CACNA2D1: variants seen among roughly 807,000 people sequenced by gnomAD.
CACNA2D1 encodes voltage-dependent calcium channel subunit alpha-2/delta-1.
Under a neutral mutation model 171.5 loss-of-function variants are expected in CACNA2D1, and 53 were observed. The observed-to-expected ratio is 0.31, with a 90% CI of 0.25 to 0.39. The LOEUF (loss-of-function observed/expected upper bound fraction) is 0.39. CACNA2D1 is among the 10% of genes least tolerant of loss of function. The pLI, the probability that CACNA2D1 is intolerant of heterozygous loss-of-function variation, is 1.00. For synonymous variants in CACNA2D1, 442 were observed against 443.1 expected (o/e 1.00, Z 0.03); for missense variants, 903 against 1,299.8 (o/e 0.69, Z 4.69).
At chr7:82,017,527 A>G (rs1011996176) in intron 12 of CACNA2D1, among the ~76,000 whole-genome samples, 5 of 152,046 alleles carry the variant, frequency 3.3e-5, no homozygotes, top group Admixed American at 6.6e-5. Context: ...ATACTATGCT[A>G]CTGCCACCAT....
rs1792140828 is a variant in CACNA2D1 at position 81,947,621 on chromosome 7, CAT to C, written c.*2769_*2770del. ...TTTAGTGACTAACTACACTAAGCCA[CAT>C]GAGTATAACAAAAATTAGTTAAAGC... On this transcript the variant is annotated 3_prime_UTR_variant, in exon 39 of 39. Coordinates refer to ENST00000356860, the MANE Select transcript of CACNA2D1 (RefSeq NM_000722.4). The C allele has an allele frequency of 6.6e-6, 1 of 151,944 alleles. No individual in the cohort carries two copies. The highest frequency in any genetic ancestry group is 1.5e-5 in the Non-Finnish European group (1 of 67,886). The allele number at this position is 151,944 out of a possible 1,614,324, so 9.4% of individuals were successfully genotyped here.
intron 21 of CACNA2D1, among the ~76,000 whole-genome samples, chr7:81,990,063 C>T (rs1797379093): frequency 1.3e-5 from 2 of 151,960 alleles, no homozygotes; most frequent in African/African-American, 4.8e-5. Context: ...ATTTTGGAGT[C>T]AGTGACTAAG....
Position 81,983,990 on chromosome 7 carries a change from C to T in CACNA2D1, c.1873+645G>A, listed in dbSNP as rs568260844. On this transcript the variant is annotated intron_variant, in intron 22 of 38. Coordinates refer to ENST00000356860, the MANE Select transcript of CACNA2D1 (RefSeq NM_000722.4). ...GTCATTTTACTTTACAAAATCTAGT[C>T]ACCCAAAACAAAATAAACAATAACT... is the stretch of plus-strand genomic sequence containing the variant. Among the ~76,000 whole-genome samples, 4 of 152,214 alleles carry T rather than the reference C, an allele frequency of 2.6e-5. No homozygotes were observed. In the South Asian group the frequency reaches 8.3e-4, roughly 32 times the overall value.
chr7:82,235,892 TAAG>T (rs1347545358), intron 3 of CACNA2D1, among the ~76,000 whole-genome samples: 1 of 152,106 alleles, frequency 6.6e-6, no homozygotes, highest in Non-Finnish European at 1.5e-5. Flanking sequence ...GTCTCTGTAC[TAAG>T]GAAATGGATA....
In CACNA2D1 at chr7:81,967,620, G is replaced by T; in HGVS notation, c.2439C>A (p.Phe813Leu). The T allele has an allele frequency of 6.6e-7, 1 of 1,515,162 alleles. No individual in the cohort carries two copies. The highest frequency in any genetic ancestry group is 9.1e-7 in the Non-Finnish European group (1 of 1,096,522). The allele number at this position is 1,515,162 out of a possible 1,614,324, so 93.9% of individuals were successfully genotyped here. Residue 813 changes from phenylalanine to leucine, a missense_variant, in exon 30 of 39, where the codon TTC becomes TTA. Coordinates refer to ENST00000356860, the MANE Select transcript of CACNA2D1 (RefSeq NM_000722.4). ...KIDVNSWIEN[F>L]TKTSIRDPCA... ...CCGGATCTCTGATTGAGGTTTTGGT[G>T]AAATTCTCTATCCAGGAATTTACAT...
chr7:81,967,577 T>C lies in CACNA2D1; in HGVS notation c.2463+19A>G, dbSNP rs1405416387. 7.4e-7 allele frequency: 1 copy of C among 1,355,976 alleles called. No homozygotes were observed. The highest frequency in any genetic ancestry group is 2.4e-5 in the East Asian group (1 of 42,158). The allele number at this position is 1,355,976 out of a possible 1,614,324, so 84.0% of individuals were successfully genotyped here. A position where few individuals can be genotyped will look rare whatever the true frequency, so the allele number is the denominator to read the frequency against. ...GAAAACATTAAACATAGCATAAGAA[T>C]TTTTTAAAAATATCTTACCGGATCT... On this transcript the variant is annotated intron_variant, in intron 30 of 38. Transcript: ENST00000356860.
Position 82,432,037 on chromosome 7 carries a change from T to TAAAAAAAAAAAAAAAAAAAAAAAAAAA in CACNA2D1, c.95+11327_95+11328insTTTTTTTTTTTTTTTTTTTTTTTTTTT, listed in dbSNP as rs34180150. Among the ~76,000 whole-genome samples the TAAAAAAAAAAAAAAAAAAAAAAAAAAA allele has an allele frequency of 4.9e-5, 4 of 82,216 alleles. 1 individual carries two copies. The highest frequency in any genetic ancestry group is 3.1e-4 in the African/African-American group (4 of 13,090). The allele number at this position is 82,216 out of a possible 152,430, so 53.9% of individuals were successfully genotyped here. On this transcript the variant is annotated intron_variant, in intron 1 of 38. Transcript: ENST00000356860. ...TGGGCAACAGAACAAGACTCTGTCT[T>TAAAAAAAAAAAAAAAAAAAAAAAAAAA]AAAAAAAAAAAAAAAAAAAAATTGG... is the stretch of plus-strand genomic sequence containing the variant.
At chr7:82,104,861 T>C (rs1466811536) in intron 6 of CACNA2D1, among the ~76,000 whole-genome samples, 7 of 152,118 alleles carry the variant, frequency 4.6e-5, no homozygotes, top group African/African-American at 1.4e-4. Context: ...AAAATGATTA[T>C]ATATAACACT....
At position 82,378,956 on chromosome 7, in the gene CACNA2D1, T is replaced by C. The variant is rs866580876; in HGVS notation, c.96-29307A>G. Among the ~76,000 whole-genome samples the C allele has an allele frequency of 5.0e-3, 758 of 150,982 alleles. 12 individuals carry two copies. Among genetic ancestry groups the C allele is most frequent in the African/African-American group, 0.018 (737 of 41,124 alleles). On this transcript the variant is annotated intron_variant, in intron 1 of 38. Transcript: ENST00000356860. ...GTTGACTCGTGTGTGTGTGTGTGTGTGTGTGTGTGTGTGTGTGTGTGTGTG... is the reference window on the plus strand; with the variant it reads ...GTTGACTCGTGTGTGTGTGTGTGTGCGTGTGTGTGTGTGTGTGTGTGTGTG...
At chr7:82,257,275 G>A (rs1806416822) in intron 3 of CACNA2D1, among the ~76,000 whole-genome samples, 1 of 152,086 alleles carries the variant, frequency 6.6e-6, no homozygotes, top group Admixed American at 6.6e-5. Flanking sequence ...TCCTCAAAGG[G>A]ACTGGCACAG....
At chr7:82,321,030 A>T (rs1282546415) in intron 3 of CACNA2D1, among the ~76,000 whole-genome samples, 1 of 151,750 alleles carries the variant, frequency 6.6e-6, no homozygotes, top group Non-Finnish European at 1.5e-5. Flanking sequence ...AGCTCTAGCT[A>T]AAAGCACATT....
chr7:82,275,637 G>C (rs763166879), intron 3 of CACNA2D1, among the ~76,000 whole-genome samples: 1 of 151,960 alleles, frequency 6.6e-6, no homozygotes, highest in South Asian at 2.1e-4. Flanking sequence ...CTGAAAACCT[G>C]TAATTACTTT....
intron 3 of CACNA2D1, among the ~76,000 whole-genome samples, chr7:82,231,284 C>G (rs1802900897): frequency 6.6e-6 from 1 of 152,156 alleles, no homozygotes; most frequent in Non-Finnish European, 1.5e-5. Context: ...TAAGTGCCCT[C>G]CAACCCCAAG....
intron 3 of CACNA2D1, among the ~76,000 whole-genome samples, chr7:82,199,112 T>C (rs577454065): frequency 2.0e-5 from 3 of 152,292 alleles, no homozygotes; most frequent in African/African-American, 7.2e-5. Flanking sequence ...TATCCACTTG[T>C]TCAAAGAGTA....
At chr7:81,985,563 C>T (rs1195787999) in intron 21 of CACNA2D1, among the ~76,000 whole-genome samples, 1 of 152,088 alleles carries the variant, frequency 6.6e-6, no homozygotes, top group Non-Finnish European at 1.5e-5. Context: ...AAACTCTAAT[C>T]CTTGGGCAAG....
At position 82,145,790 on chromosome 7, in the gene CACNA2D1, A is replaced by G. The variant is rs944947247; in HGVS notation, c.355-9114T>C. ...TACATAATAAAATAGTTAATCTTTG[A>G]GACACATTCATTCACTTTATCCATT... On this transcript the variant is annotated intron_variant, in intron 4 of 38. Transcript: ENST00000356860. Among the ~76,000 whole-genome samples the G allele has an allele frequency of 2.0e-5, 3 of 149,406 alleles. No homozygotes were observed. The East Asian group carries it at 5.9e-4, about 30-fold the overall frequency.
chr7:82,011,911 C>A lies in CACNA2D1; in HGVS notation c.1362+243G>T, dbSNP rs118157233. 5 of 392,044 alleles carry A rather than the reference C, an allele frequency of 1.3e-5. No individual in the cohort carries two copies. The East Asian group carries it at 2.1e-4, about 16-fold the overall frequency. 24.3% of individuals were successfully genotyped at this position (392,044 alleles called of 1,614,324 possible). On this transcript the variant is annotated intron_variant, in intron 15 of 38. Transcript: ENST00000356860. Reference sequence around the variant, plus strand: ...TATTCAACATTCCAGGTTGGAAATTCTACATTCCCAATGAAGGGATCAAGT... The same window carrying A: ...TATTCAACATTCCAGGTTGGAAATTATACATTCCCAATGAAGGGATCAAGT...
At chr7:82,166,733 C>CA (rs1795494773) in intron 4 of CACNA2D1, among the ~76,000 whole-genome samples, 1 of 151,946 alleles carries the variant, frequency 6.6e-6, no homozygotes, top group Non-Finnish European at 1.5e-5. Context: ...GGAGACCTAG[C>CA]AGGCAGCTGG....
In CACNA2D1 at chr7:82,184,505, C is replaced by T. The variant is rs190426261; in HGVS notation, c.295-13896G>A. ...TAATACTATTATTATTTCTCTTCTT[C>T]TTAAGTGAGTTTTAATGATTTCGGT... On this transcript the variant is annotated intron_variant, in intron 3 of 38. Coordinates refer to ENST00000356860, the MANE Select transcript of CACNA2D1 (RefSeq NM_000722.4). 1.3e-3 allele frequency among the ~76,000 whole-genome samples: 191 copies of T among 151,732 alleles called. 1 individual carries two copies. The South Asian group carries it at 0.039, about 31-fold the overall frequency.
Sources: gnomAD v4.1 joint callset for allele counts (sites outside exome capture counted in the v4.1 genomes callset) on GRCh38, gnomAD v4.1.1 for gene constraint, MANE v1.5 for transcripts, NCBI Gene and HGNC (gene_info 2026-07-23, HGNC 2026-07-21) for gene names.